Variants in LMBRD1 observed in about 807,000 individuals in gnomAD.
The protein encoded by LMBRD1 is lysosomal cobalamin transport escort protein LMBD1.
LMBRD1 carries 64 observed loss-of-function variants against 74.8 expected under a neutral mutation model. The observed-to-expected ratio is 0.86, with a 90% CI of 0.70 to 1.05. The LOEUF is 1.05. Among genes scored for constraint, LMBRD1 ranks in the 50% least tolerant of loss-of-function variants. The pLI is 0.00. For synonymous variants in LMBRD1, 204 were observed against 216.3 expected (o/e 0.94, Z 0.50); for missense variants, 652 against 645.9 (o/e 1.01, Z -0.10).
rs34490213 is a variant in LMBRD1, at chr6:69,780,117, CTT to C, written c.307+375_307+376del. ...TATTAAAAGGCTAGGTGGGAGGGTC[CTT>C]TTTTTTTTTTTTTTTTTTTTTAACA... On this transcript the variant is annotated intron_variant, in intron 3 of 15. Coordinates refer to ENST00000649934, the MANE Select transcript of LMBRD1 (RefSeq NM_018368.4). 7.1e-3 allele frequency among the ~76,000 whole-genome samples: 821 copies of C among 115,244 alleles called. 6 individuals are homozygous for C. The highest frequency in any genetic ancestry group is 0.024 in the African/African-American group (728 of 30,610). The allele number at this position is 115,244 out of a possible 152,430, so 75.6% of individuals were successfully genotyped here.
rs531760757 is a variant in LMBRD1, at chr6:69,771,546, G to C, written c.307+8948C>G. ...CACTCAAAAGGAGGGAATTACATAAGGGCATGAATATTAGGAGGTGGACAG... is the reference window on the plus strand; with the variant it reads ...CACTCAAAAGGAGGGAATTACATAACGGCATGAATATTAGGAGGTGGACAG... On this transcript the variant is annotated intron_variant, in intron 3 of 15. Transcript: ENST00000649934. Among the ~76,000 whole-genome samples, 44 of 152,288 alleles carry C rather than the reference G, an allele frequency of 2.9e-4. 2 individuals carry two copies. Among genetic ancestry groups the C allele is most frequent in the Middle Eastern group, 3.4e-3 (1 of 294 alleles).
chr6:69,724,101 A>G (rs1327151649), intron 7 of LMBRD1, among the ~76,000 whole-genome samples: 1 of 151,988 alleles, frequency 6.6e-6, no homozygotes, highest in African/African-American at 2.4e-5. Flanking sequence ...ACCAAACTTG[A>G]ACCATGAAGA....
At chr6:69,678,125 A>T (rs1765584909) in intron 14 of LMBRD1, among the ~76,000 whole-genome samples, 1 of 152,182 alleles carries the variant, frequency 6.6e-6, no homozygotes, top group Non-Finnish European at 1.5e-5. Flanking sequence ...CCTTACTGAT[A>T]ACACGAACTA....
intron 11 of LMBRD1, 31 bp downstream of exon 11, chr6:69,701,412 T>A: frequency 8.3e-7 from 1 of 1,202,102 alleles, no homozygotes. Flanking sequence ...CTCTAGCAGC[T>A]ACAGTATAAA....
chr6:69,717,935 G>A (rs1052982311), intron 8 of LMBRD1, among the ~76,000 whole-genome samples: 4 of 152,096 alleles, frequency 2.6e-5, no homozygotes, highest in Admixed American at 6.6e-5. Flanking sequence ...CTAAGCTCAA[G>A]CAATCTGGGA....
intron 3 of LMBRD1, among the ~76,000 whole-genome samples, chr6:69,762,460 A>C (rs1055431911): frequency 7.2e-5 from 11 of 151,964 alleles, no homozygotes; most frequent in South Asian, 2.1e-4. Flanking sequence ...AAAAAACAAA[A>C]AAAAAAAAAG....
rs146121397 is a variant in LMBRD1, at chr6:69,754,173, T to C, written c.308-1817A>G. Among the ~76,000 whole-genome samples, 530 of 152,258 alleles carry C rather than the reference T, an allele frequency of 3.5e-3. 1 individual carries two copies. Among genetic ancestry groups the C allele is most frequent in the African/African-American group, 0.012 (512 of 41,542 alleles). On this transcript the variant is annotated intron_variant, in intron 3 of 15. Coordinates refer to ENST00000649934, the MANE Select transcript of LMBRD1 (RefSeq NM_018368.4). ...GAATAGAGTTACTGTTAATAAGGTA[T>C]AGTTCAATTTTATAAGATGGAAAGT...
In LMBRD1 at chr6:69,716,654, A is replaced by C. The variant is rs142039300; in HGVS notation, c.762+2302T>G. Among the ~76,000 whole-genome samples the C allele has an allele frequency of 3.5e-3, 535 of 152,146 alleles. 1 individual carries two copies. The highest frequency in any genetic ancestry group is 0.012 in the African/African-American group (511 of 41,552). ...TCTTCAAGCTACATATAGATTTATA[A>C]ATATATCTCATTCCTTTTCATCATT... On this transcript the variant is annotated intron_variant, in intron 8 of 15. Coordinates refer to ENST00000649934, the MANE Select transcript of LMBRD1 (RefSeq NM_018368.4).
At chr6:69,714,547 T>G (rs1253865865) in intron 8 of LMBRD1, among the ~76,000 whole-genome samples, 1 of 152,118 alleles carries the variant, frequency 6.6e-6, no homozygotes, top group African/African-American at 2.4e-5. Flanking sequence ...AAATATAAAA[T>G]TGTTTTTATC....
chr6:69,756,822 C>G (rs1019066303), intron 3 of LMBRD1, among the ~76,000 whole-genome samples: 2 of 152,096 alleles, frequency 1.3e-5, no homozygotes, highest in Admixed American at 1.3e-4. Context: ...TGTTTTTGCA[C>G]AATCTAAACT....
chr6:69,733,348 G>A (rs1766903850), intron 7 of LMBRD1, among the ~76,000 whole-genome samples: 1 of 152,034 alleles, frequency 6.6e-6, no homozygotes, highest in African/African-American at 2.4e-5. Flanking sequence ...CTTTTCCAAG[G>A]TAAGTTAGGA....
chr6:69,688,149 T>C (rs1199471607), intron 14 of LMBRD1, among the ~76,000 whole-genome samples: 1 of 152,114 alleles, frequency 6.6e-6, no homozygotes, highest in Non-Finnish European at 1.5e-5. Context: ...AATGTCACTT[T>C]TTATTTCACC....
At chr6:69,785,894 A>G (rs1765934086) in intron 2 of LMBRD1, among the ~76,000 whole-genome samples, 2 of 152,140 alleles carry the variant, frequency 1.3e-5, no homozygotes, top group Non-Finnish European at 2.9e-5. Context: ...AAAGGCCTCT[A>G]TATTTGCTGC....
intron 7 of LMBRD1, among the ~76,000 whole-genome samples, chr6:69,735,217 G>C (rs1480917806): frequency 6.6e-6 from 1 of 152,200 alleles, no homozygotes; most frequent in African/African-American, 2.4e-5. Flanking sequence ...ACACTGGACA[G>C]GATGCCATTC....
In LMBRD1 at chr6:69,736,240, A is replaced by G. The variant is rs180840024; in HGVS notation, c.636+1702T>C. The stretch of plus-strand genomic sequence containing the variant: ...TTTTTTTTTCTGTACTATCTTTTCA[A>G]AGATCTTTGTATAGCAAATAGTCTT... On this transcript the variant is annotated intron_variant, in intron 7 of 15. Transcript: ENST00000649934. Among the ~76,000 whole-genome samples the G allele has an allele frequency of 1.5e-3, 229 of 152,210 alleles. 1 individual carries two copies. Among genetic ancestry groups the G allele is most frequent in the Middle Eastern group, 0.014 (4 of 294 alleles).
rs533655526 is a variant in LMBRD1 at position 69,689,790 on chromosome 6, A to T, written c.1417+7773T>A. Among the ~76,000 whole-genome samples, 5 of 152,242 alleles carry T rather than the reference A, an allele frequency of 3.3e-5. No individual in the cohort carries two copies. The East Asian group carries it at 9.6e-4, about 29-fold the overall frequency. On this transcript the variant is annotated intron_variant, in intron 14 of 15. Coordinates refer to ENST00000649934, the MANE Select transcript of LMBRD1 (RefSeq NM_018368.4). Reference sequence around the variant, plus strand: ...TTTTTAAAATTTATTGATCAGCTTTAAAAATGTTTTAGACTTTATTATGAA... The same window carrying T: ...TTTTTAAAATTTATTGATCAGCTTTTAAAATGTTTTAGACTTTATTATGAA...
chr6:69,744,517 C>G (rs9346342), intron 5 of LMBRD1, among the ~76,000 whole-genome samples: 9 of 151,982 alleles, frequency 5.9e-5, no homozygotes, highest in African/African-American at 2.2e-4. Context: ...ATCTGATTCA[C>G]TGAATTAACT....
At chr6:69,678,369 G>A (rs1442392370) in intron 14 of LMBRD1, among the ~76,000 whole-genome samples, 1 of 151,972 alleles carries the variant, frequency 6.6e-6, no homozygotes, top group African/African-American at 2.4e-5. Flanking sequence ...GTCTCAAGTG[G>A]CAGAGGTGGA....
intron 12 of LMBRD1, among the ~76,000 whole-genome samples, chr6:69,699,689 AC>A (rs1766085306): frequency 6.6e-6 from 1 of 151,878 alleles, no homozygotes. Flanking sequence ...AAATGAAAAC[AC>A]ATGGTAACTG....
Sources: gnomAD v4.1 joint callset for allele counts (sites outside exome capture counted in the v4.1 genomes callset) on GRCh38, gnomAD v4.1.1 for gene constraint, MANE v1.5 for transcripts, NCBI Gene and HGNC (gene_info 2026-07-23, HGNC 2026-07-21) for gene names.